DAB1: variants seen among roughly 807,000 people sequenced by gnomAD.
DAB1 encodes the protein disabled homolog 1.
A neutral mutation model predicts 64.6 loss-of-function variants in DAB1; 15 were observed. The ratio of observed to expected loss-of-function variants is 0.23; its 90% CI spans 0.16 to 0.36. The LOEUF (loss-of-function observed/expected upper bound fraction) is 0.36. Ranked by LOEUF, DAB1 falls within the 10% of genes least tolerant of loss-of-function variation. The pLI, the probability that DAB1 is intolerant of heterozygous loss-of-function variation, is 1.00. For synonymous variants in DAB1, 235 were observed against 251.9 expected (o/e 0.93, Z 0.64); for missense variants, 596 against 706.7 (o/e 0.84, Z 1.78).
Position 57,928,448 on chromosome 1 carries a change from T to C in DAB1, n.388-44286A>G, listed in dbSNP as rs191602405. Reference sequence around the variant, plus strand: ...GTTACAATTCATGAACCTGCACTGATATATCACTGTTACTCAAAGACTACG... The same window carrying C: ...GTTACAATTCATGAACCTGCACTGACATATCACTGTTACTCAAAGACTACG... On this transcript the variant is annotated intron_variant and non_coding_transcript_variant, in intron 5 of 20. Coordinates refer to the DAB1 transcript ENST00000485760. Among the ~76,000 whole-genome samples the C allele has an allele frequency of 3.3e-5, 5 of 152,314 alleles. No homozygotes were observed. The East Asian group carries it at 9.7e-4, about 29-fold the overall frequency.
chr1:57,206,968 C>CTTTTTTTTTTTTTTTTTTTTTTTT (rs201111039), intron 2 of DAB1, among the ~76,000 whole-genome samples: 2 of 84,476 alleles, frequency 2.4e-5, no homozygotes. Flanking sequence ...TCCTTCCTTC[C>CTTTTTTTTTTTTTTTTTTTTTTTT]TTTTTTTTTT....
At chr1:57,555,609 C>G (rs1334123599) in intron 7 of DAB1, among the ~76,000 whole-genome samples, 2 of 152,144 alleles carry the variant, frequency 1.3e-5, no homozygotes, top group African/African-American at 4.8e-5. Flanking sequence ...GCTGTGCTCA[C>G]TCTGGGCTCA....
intron 1 of DAB1, chr1:57,874,062 G>A (rs1644001180): frequency 6.6e-6 from 1 of 152,062 alleles, no homozygotes; most frequent in Non-Finnish European, 1.5e-5. Context: ...AGTAAACAAA[G>A]GTAGATGAGG....
chr1:57,631,526 T>C (rs1050441014), intron 7 of DAB1, among the ~76,000 whole-genome samples: 10 of 152,364 alleles, frequency 6.6e-5, no homozygotes, highest in African/African-American at 2.2e-4. Flanking sequence ...TTTAACTTAG[T>C]GATTTACATC....
chr1:57,427,878 G>A (rs1191827021), upstream of DAB1, among the ~76,000 whole-genome samples: 5 of 152,152 alleles, frequency 3.3e-5, no homozygotes, highest in East Asian at 1.9e-4. Context: ...TAAGATCTAC[G>A]CTCTTAGGGC....
At chr1:57,925,973 C>T (rs1045027096) in intron 5 of DAB1, among the ~76,000 whole-genome samples, 19 of 152,150 alleles carry the variant, frequency 1.2e-4, no homozygotes, top group African/African-American at 4.3e-4. Flanking sequence ...GCCTTAAGGC[C>T]ATCATATGGG....
At chr1:57,238,553 G>A (rs1055402210) in intron 2 of DAB1, among the ~76,000 whole-genome samples, 1 of 152,146 alleles carries the variant, frequency 6.6e-6, no homozygotes, top group African/African-American at 2.4e-5. Context: ...GCACGAGCTT[G>A]ATGAATGAGG....
At chr1:57,772,034 T>C (rs1023626434) in intron 6 of DAB1, among the ~76,000 whole-genome samples, 9 of 152,182 alleles carry the variant, frequency 5.9e-5, no homozygotes, top group Non-Finnish European at 1.0e-4. Context: ...CCAAAAAGAC[T>C]GCATTGGAAA....
chr1:58,129,345 T>C (rs2100691019), intron 5 of DAB1, among the ~76,000 whole-genome samples: 1 of 148,376 alleles, frequency 6.7e-6, no homozygotes, highest in African/African-American at 2.5e-5. Context: ...GATTCTTCTC[T>C]CTTTTTTTCT....
rs1936406 is a variant in DAB1 at position 57,945,449 on chromosome 1, A to C, written n.388-61287T>G. On this transcript the variant is annotated intron_variant and non_coding_transcript_variant, in intron 5 of 20. Transcript: ENST00000485760. ...AATTGTTATTATTATTATTATTATT[A>C]TTATTATTTTGGCAGAGATGGGGTC... 3.5e-5 allele frequency among the ~76,000 whole-genome samples: 4 copies of C among 112,966 alleles called. No individual in the cohort carries two copies. In the East Asian group the frequency reaches 6.8e-4, roughly 19 times the overall value. The allele number at this position is 112,966 out of a possible 152,430, so 74.1% of individuals were successfully genotyped here. A position where few individuals can be genotyped will look rare whatever the true frequency, so the allele number is the denominator to read the frequency against.
rs147953417 is a variant in DAB1, at chr1:57,827,409, C to T, written n.88-954G>A. Among the ~76,000 whole-genome samples the T allele has an allele frequency of 2.9e-4, 44 of 152,318 alleles. 1 individual carries two copies. Among genetic ancestry groups the T allele is most frequent in the African/African-American group, 1.0e-3 (43 of 41,562 alleles). ...CTTTGCAGTCAACATTCCTTTTCTG[C>T]AATCCCAGCTTTACTACTTAGCCAT... On this transcript the variant is annotated intron_variant and non_coding_transcript_variant, in intron 1 of 1. Transcript: ENST00000477280.
intron 7 of DAB1, among the ~76,000 whole-genome samples, chr1:57,479,816 T>A (rs1457083890): frequency 6.6e-6 from 1 of 152,090 alleles, no homozygotes; most frequent in Non-Finnish European, 1.5e-5. Context: ...CTATACTTCA[T>A]ATAAATCAGC....
chr1:57,777,141 C>CTTTTTTTTTTTTTTTTT (rs71051255), intron 6 of DAB1, among the ~76,000 whole-genome samples: 4 of 90,400 alleles, frequency 4.4e-5, no homozygotes, highest in Non-Finnish European at 6.4e-5. Context: ...TTCTGAATTT[C>CTTTTTTTTTTTTTTTTT]TTTTTTTTTT....
intron 4 of DAB1, among the ~76,000 whole-genome samples, chr1:57,076,700 GTGTACCTA>G (rs1342825773): frequency 1.3e-5 from 2 of 152,206 alleles, no homozygotes; most frequent in Non-Finnish European, 2.9e-5. Flanking sequence ...GAGAACTATA[GTGTACCTA>G]TGACGGAAGG....
intron 2 of DAB1, among the ~76,000 whole-genome samples, chr1:57,208,484 C>T (rs1665764306): frequency 6.6e-6 from 1 of 152,224 alleles, no homozygotes; most frequent in South Asian, 2.1e-4. Context: ...AACAGCCTTT[C>T]AGACCACCTC....
chr1:57,661,594 T>C (rs1646387261), intron 6 of DAB1, among the ~76,000 whole-genome samples: 1 of 152,126 alleles, frequency 6.6e-6, no homozygotes, highest in African/African-American at 2.4e-5. Flanking sequence ...TGCAGGGCAC[T>C]GGTTCCAGGA....
intron 6 of DAB1, among the ~76,000 whole-genome samples, chr1:57,754,806 C>T (rs969601137): frequency 1.3e-5 from 2 of 152,172 alleles, no homozygotes; most frequent in African/African-American, 4.8e-5. Context: ...GGGCTCAGCC[C>T]TGGTATATCT....
intron 9 of DAB1, among the ~76,000 whole-genome samples, chr1:57,044,482 G>A (rs763032612): frequency 6.6e-6 from 1 of 152,172 alleles, no homozygotes; most frequent in Non-Finnish European, 1.5e-5. Flanking sequence ...ACAGGGAAAG[G>A]GAACTCTATG....
At chr1:57,315,885 C>T (rs267640) in intron 1 of DAB1, among the ~76,000 whole-genome samples, 10,714 of 152,210 alleles carry the variant, frequency 0.07, 492 homozygotes, top group South Asian at 0.15. Flanking sequence ...CTCCTCCCAC[C>T]ACTGTTATTG....
Sources: gnomAD v4.1 joint callset for allele counts (sites outside exome capture counted in the v4.1 genomes callset) on GRCh38, gnomAD v4.1.1 for gene constraint, MANE v1.5 for transcripts, NCBI Gene and HGNC (gene_info 2026-07-23, HGNC 2026-07-21) for gene names.